Variants in ERC1 observed in about 807,000 individuals in gnomAD.
The protein encoded by ERC1 is RAB6 interacting protein 2.
ERC1 carries 56 observed loss-of-function variants against 132.0 expected under a neutral mutation model. The ratio of observed to expected loss-of-function variants is 0.42; its 90% CI spans 0.34 to 0.53. ERC1 has a LOEUF of 0.53. Among genes scored for constraint, ERC1 ranks in the 20% least tolerant of loss-of-function variants. The pLI, the probability that ERC1 is intolerant of heterozygous loss-of-function variation, is 0.03. For synonymous variants in ERC1, 478 were observed against 476.1 expected (o/e 1.00, Z -0.05); for missense variants, 1,202 against 1,349.9 (o/e 0.89, Z 1.72).
chr12:997,705 G>A (rs1961223226), intron 1 of ERC1, among the ~76,000 whole-genome samples: 1 of 152,190 alleles, frequency 6.6e-6, no homozygotes, highest in Non-Finnish European at 1.5e-5. Flanking sequence ...ATTAGACTAA[G>A]ATTTTACGTA....
intron 15 of ERC1, among the ~76,000 whole-genome samples, chr12:1,329,064 C>T (rs1022273360): frequency 1.4e-5 from 2 of 145,288 alleles, no homozygotes; most frequent in Non-Finnish European, 1.5e-5. Context: ...GAGGCTGAGG[C>T]GGGCAGATCA....
Position 1,490,178 on chromosome 12 carries a change from A to G in ERC1, c.3299A>G (p.His1100Arg), listed in dbSNP as rs1166446664. 5 of 1,614,056 alleles carry G rather than the reference A, an allele frequency of 3.1e-6. No homozygotes were observed. Among genetic ancestry groups the G allele is most frequent in the Non-Finnish European group, 3.4e-6 (4 of 1,180,036 alleles). The part of the protein sequence containing the change: ...ANAILQQIAD[H>R]CPDILEQVVN... ...GCCATTCTTCAGCAGATAGCAGACC[A>G]TTGTCCCGACATCCTAGAGCAAGTG... Residue 1100 changes from histidine (H) to arginine (R), a missense_variant, in exon 19 of 19, where the codon CAT becomes CGT. Transcript: ENST00000360905.
chr12:1,181,363 T>A (rs961130558), intron 9 of ERC1, among the ~76,000 whole-genome samples: 4 of 152,132 alleles, frequency 2.6e-5, no homozygotes, highest in Non-Finnish European at 5.9e-5. Context: ...ACCTGGAAAT[T>A]GAATAAATGG....
At chr12:990,076 A>C (rs932375325), upstream of ERC1, 5 of 152,226 alleles carry the variant, frequency 3.3e-5, no homozygotes, top group African/African-American at 1.2e-4. Flanking sequence ...GGGCAGGATG[A>C]AACAGTAGAA....
rs145395163 is a variant in ERC1 at position 1,295,519 on chromosome 12, C to T, written c.2780+5507C>T. Among the ~76,000 whole-genome samples the T allele has an allele frequency of 5.2e-3, 797 of 151,964 alleles. 5 individuals carry two copies. Among genetic ancestry groups the T allele is most frequent in the African/African-American group, 0.018 (752 of 41,432 alleles). On this transcript the variant is annotated intron_variant, in intron 15 of 18. Transcript: ENST00000360905. ...TGGAATTGTAATATTAGAGATAGAG[C>T]CGTGGGGAATCTGGAGTTCCAACCC...
At chr12:1,389,818 G>A (rs538011674) in intron 16 of ERC1, among the ~76,000 whole-genome samples, 39 of 152,154 alleles carry the variant, frequency 2.6e-4, no homozygotes, top group Middle Eastern at 3.4e-3. Flanking sequence ...ATTAATTCCC[G>A]GGTATTTTGC....
At chr12:1,427,978 T>C (rs1040395778) in intron 17 of ERC1, among the ~76,000 whole-genome samples, 21 of 152,202 alleles carry the variant, frequency 1.4e-4, no homozygotes, top group African/African-American at 4.8e-4. Flanking sequence ...TTTCTGTGGT[T>C]TCTGTTGAGT....
chr12:1,303,052 C>T (rs375852021), intron 15 of ERC1, among the ~76,000 whole-genome samples: 3 of 152,134 alleles, frequency 2.0e-5, no homozygotes, highest in Non-Finnish European at 2.9e-5. Flanking sequence ...TTTAAAAATG[C>T]TTTATTTAAA....
chr12:1,099,226 G>C (rs188965046), intron 3 of ERC1, among the ~76,000 whole-genome samples: 77 of 152,234 alleles, frequency 5.1e-4, no homozygotes, highest in Middle Eastern at 3.4e-3. Context: ...AGAGTGAATG[G>C]GAGAGGGAGA....
At chr12:1,374,552 T>G (rs2087641579) in intron 16 of ERC1, among the ~76,000 whole-genome samples, 1 of 152,206 alleles carries the variant, frequency 6.6e-6, no homozygotes. Context: ...TGTTCAGACC[T>G]TAAGTCATGA....
intron 1 of ERC1, among the ~76,000 whole-genome samples, chr12:1,003,836 A>G (rs986214669): frequency 2.0e-5 from 3 of 152,230 alleles, no homozygotes; most frequent in African/African-American, 7.2e-5. Context: ...TTTGTCCCAC[A>G]TACCAAAAAG....
chr12:1,442,713 A>G (rs1011381809), intron 17 of ERC1, among the ~76,000 whole-genome samples: 1 of 152,216 alleles, frequency 6.6e-6, no homozygotes, highest in Admixed American at 6.5e-5. Context: ...GAAATGTGCT[A>G]TATGTATTAT....
At chr12:1,285,950 A>T (rs967368902) in intron 14 of ERC1, among the ~76,000 whole-genome samples, 3 of 152,204 alleles carry the variant, frequency 2.0e-5, no homozygotes, top group Non-Finnish European at 4.4e-5. Context: ...GTGCATGAGC[A>T]AGTTTTATTC....
intron 15 of ERC1, among the ~76,000 whole-genome samples, chr12:1,330,442 GTATTAT>G (rs148204080): frequency 0.064 from 9,697 of 151,676 alleles, 379 homozygotes; most frequent in East Asian, 0.13. Flanking sequence ...CCCAGTTTTT[GTATTAT>G]TATTATTATT....
intron 2 of ERC1, among the ~76,000 whole-genome samples, chr12:1,029,908 T>A (rs1967680382): frequency 6.6e-6 from 1 of 151,940 alleles, no homozygotes; most frequent in Non-Finnish European, 1.5e-5. Context: ...CCACCACGCC[T>A]GGCTAATATT....
intron 15 of ERC1, among the ~76,000 whole-genome samples, chr12:1,318,647 T>C (rs976395518): frequency 2.0e-5 from 3 of 152,236 alleles, no homozygotes; most frequent in African/African-American, 7.2e-5. Flanking sequence ...TGAGAAGCAC[T>C]GGAGAGGGCT....
Position 1,241,847 on chromosome 12 carries a change from C to CTTTTTTTTTTTTT in ERC1, c.2487+4958_2487+4970dup, listed in dbSNP as rs57016547. On this transcript the variant is annotated intron_variant, in intron 13 of 18. Transcript: ENST00000360905. ...CCAATTTTTTGCATTTCTTCTTCTT[C>CTTTTTTTTTTTTT]TTTTTTTTTTTTTTTTTTTTTTTTT... Among the ~76,000 whole-genome samples the CTTTTTTTTTTTTT allele has an allele frequency of 4.8e-4, 39 of 80,514 alleles. 1 individual carries two copies. Among genetic ancestry groups the CTTTTTTTTTTTTT allele is most frequent in the East Asian group, 1.5e-3 (4 of 2,670 alleles). The allele number at this position is 80,514 out of a possible 152,430, so 52.8% of individuals were successfully genotyped here.
At chr12:1,342,196 G>T (rs528747938) in intron 15 of ERC1, among the ~76,000 whole-genome samples, 1 of 152,164 alleles carries the variant, frequency 6.6e-6, no homozygotes, top group East Asian at 1.9e-4. Flanking sequence ...CGGGTGCGGT[G>T]GCTCACGCCT....
intron 15 of ERC1, among the ~76,000 whole-genome samples, chr12:1,346,427 C>T (rs143139501): frequency 6.6e-6 from 1 of 152,182 alleles, no homozygotes; most frequent in South Asian, 2.1e-4. Context: ...TTTATCACCT[C>T]ACTTCTGAAT....
Sources: gnomAD v4.1 joint callset for allele counts (sites outside exome capture counted in the v4.1 genomes callset) on GRCh38, gnomAD v4.1.1 for gene constraint, MANE v1.5 for transcripts, NCBI Gene and HGNC (gene_info 2026-07-23, HGNC 2026-07-21) for gene names.